The following KCNK1 variants were observed in gnomAD, a reference collection of about 807,000 sequenced individuals.
KCNK1 encodes the protein potassium channel subfamily K member 1.
KCNK1 carries 10 observed loss-of-function variants against 22.2 expected under a neutral mutation model. The observed-to-expected ratio is 0.45, with a 90% CI of 0.28 to 0.76. The LOEUF (loss-of-function observed/expected upper bound fraction) is 0.76, where lower values mean the gene tolerates loss of function less well. Among genes scored for constraint, KCNK1 ranks in the 30% least tolerant of loss-of-function variants. The pLI is 0.14. For synonymous variants in KCNK1, 200 were observed against 186.4 expected, an observed-to-expected ratio of 1.07 and a Z score of -0.60; for missense variants, 378 against 421.0, an observed-to-expected ratio of 0.90 and a Z score of 0.89.
At chr1:233,660,860 A>C (rs1658377374) in intron 1 of KCNK1, among the ~76,000 whole-genome samples, 1 of 152,258 alleles carries the variant, frequency 6.6e-6, no homozygotes, top group African/African-American at 2.4e-5. Context: ...ACTTGAGTTG[A>C]CTTTTGATGC....
At chr1:233,643,658 C>T (rs990854983) in intron 1 of KCNK1, among the ~76,000 whole-genome samples, 64 of 147,256 alleles carry the variant, frequency 4.3e-4, no homozygotes, top group African/African-American at 1.6e-3. Flanking sequence ...ACCAGGTTGG[C>T]AGGAGGAGCC....
intron 1 of KCNK1, among the ~76,000 whole-genome samples, chr1:233,624,730 A>G (rs1040290899): frequency 3.3e-5 from 5 of 152,238 alleles, no homozygotes; most frequent in Non-Finnish European, 7.3e-5. Context: ...AGCTATTCAT[A>G]TAAAAACAAT....
rs1001732858 is a variant in KCNK1, at chr1:233,672,482, G to A, written c.*952G>A. 3.3e-5 allele frequency: 5 copies of A among 150,344 alleles called. No homozygotes were observed. Among genetic ancestry groups the A allele is most frequent in the Non-Finnish European group, 7.4e-5 (5 of 67,660 alleles). The allele number at this position is 150,344 out of a possible 1,614,324, so 9.3% of individuals were successfully genotyped here. A position where few individuals can be genotyped will look rare whatever the true frequency, so the allele number is the denominator to read the frequency against. On this transcript the variant is annotated 3_prime_UTR_variant, in exon 3 of 3. Transcript: ENST00000366621. ...TAATCTGAGAATTTTAAATTTAGAAGCTAAAATAAATAAAAATCACAGCTG... is the reference window on the plus strand; with the variant it reads ...TAATCTGAGAATTTTAAATTTAGAAACTAAAATAAATAAAAATCACAGCTG...
chr1:233,635,140 A>T (rs1657876295), intron 1 of KCNK1, among the ~76,000 whole-genome samples: 1 of 152,188 alleles, frequency 6.6e-6, no homozygotes, highest in African/African-American at 2.4e-5. Flanking sequence ...CTACTTTAAG[A>T]TTGTGTTAAC....
At chr1:233,625,411 T>C (rs560297313) in intron 1 of KCNK1, among the ~76,000 whole-genome samples, 6 of 152,228 alleles carry the variant, frequency 3.9e-5, no homozygotes, top group African/African-American at 1.4e-4. Flanking sequence ...TATGGCTGGC[T>C]TTGGGGAAAT....
chr1:233,654,950 G>C (rs991560735), intron 1 of KCNK1, among the ~76,000 whole-genome samples: 2 of 152,188 alleles, frequency 1.3e-5, no homozygotes, highest in Non-Finnish European at 2.9e-5. Flanking sequence ...TCCACAGAGA[G>C]CCCTTACTAG....
intron 1 of KCNK1, among the ~76,000 whole-genome samples, chr1:233,647,548 C>T (rs548375593): frequency 1.2e-4 from 19 of 152,234 alleles, no homozygotes; most frequent in African/African-American, 4.1e-4. Context: ...ACCTGCTCAT[C>T]GTCTGTTCAG....
Position 233,614,284 on chromosome 1 carries a change from C to A in KCNK1, c.113C>A (p.Ala38Glu). The part of the protein sequence containing the change: ...LGYLLYLVFG[A>E]VVFSSVELPY... Reference sequence around the variant, plus strand: ...TACTTGCTCTACCTGGTCTTCGGCGCAGTGGTCTTCTCCTCGGTGGAGCTG... The same window carrying A: ...TACTTGCTCTACCTGGTCTTCGGCGAAGTGGTCTTCTCCTCGGTGGAGCTG... Residue 38 changes from alanine to glutamate, a missense_variant, in exon 1 of 3, where the codon GCA becomes GAA. By Grantham distance (107) the Ala-to-Glu change is moderately radical. Coordinates refer to ENST00000366621, the MANE Select transcript of KCNK1 (RefSeq NM_002245.4). 6.2e-7 allele frequency: 1 copy of A among 1,613,432 alleles called. No homozygotes were observed.
At chr1:233,620,363 T>A (rs1657560895) in intron 1 of KCNK1, among the ~76,000 whole-genome samples, 1 of 152,242 alleles carries the variant, frequency 6.6e-6, no homozygotes, top group African/African-American at 2.4e-5. Context: ...AAACTTTGTG[T>A]AAGAAAGTTC....
chr1:233,662,244 T>C (rs199553141), intron 1 of KCNK1, among the ~76,000 whole-genome samples: 1 of 58,340 alleles, frequency 1.7e-5, no homozygotes, highest in Non-Finnish European at 4.0e-5. Context: ...TTCTCCTTCT[T>C]CTTCTTCTTC....
At chr1:233,631,489 G>T (rs950137962) in intron 1 of KCNK1, 1 of 343,474 alleles carries the variant, frequency 2.9e-6, no homozygotes, top group African/African-American at 2.2e-5. Context: ...TGTGCAATAG[G>T]TGAGCTTGCC....
At chr1:233,644,731 A>G (rs979084448) in intron 1 of KCNK1, among the ~76,000 whole-genome samples, 1 of 152,144 alleles carries the variant, frequency 6.6e-6, no homozygotes, top group Non-Finnish European at 1.5e-5. Context: ...TGAAGAGTAG[A>G]CAGAAGGCCC....
chr1:233,618,960 C>A (rs903792008), intron 1 of KCNK1, among the ~76,000 whole-genome samples: 1 of 152,072 alleles, frequency 6.6e-6, no homozygotes. Flanking sequence ...ACTTTTAGTA[C>A]CTTTTGCTGC....
intron 1 of KCNK1, among the ~76,000 whole-genome samples, chr1:233,634,860 G>C (rs979413124): frequency 6.6e-6 from 1 of 152,172 alleles, no homozygotes; most frequent in African/African-American, 2.4e-5. Context: ...GTCCTGCTGA[G>C]GCATATGAGT....
At chr1:233,620,139 A>G (rs1178076941) in intron 1 of KCNK1, among the ~76,000 whole-genome samples, 1 of 152,202 alleles carries the variant, frequency 6.6e-6, no homozygotes, top group South Asian at 2.1e-4. Flanking sequence ...CCATAAACAC[A>G]GTTTTATTGG....
chr1:233,620,620 A>C (rs1657568104), intron 1 of KCNK1, among the ~76,000 whole-genome samples: 3 of 152,214 alleles, frequency 2.0e-5, no homozygotes, highest in Non-Finnish European at 4.4e-5. Context: ...AAAATTAAAC[A>C]AGCAAACTCT....
At chr1:233,668,154 T>C (rs947098703) in intron 2 of KCNK1, among the ~76,000 whole-genome samples, 2 of 152,256 alleles carry the variant, frequency 1.3e-5, no homozygotes, top group African/African-American at 4.8e-5. Flanking sequence ...GTTGCAGTTA[T>C]AATGTACCTA....
chr1:233,663,980 C>T (rs1006818318), intron 1 of KCNK1, among the ~76,000 whole-genome samples: 5 of 152,046 alleles, frequency 3.3e-5, no homozygotes, highest in South Asian at 2.1e-4. Flanking sequence ...TACAGGTGCC[C>T]GCTACCATGC....
intron 2 of KCNK1, among the ~76,000 whole-genome samples, chr1:233,667,725 G>T (rs1414699038): frequency 3.3e-5 from 2 of 60,912 alleles, no homozygotes; most frequent in Admixed American, 6.4e-4. Context: ...GCGAGACTCC[G>T]TCTCAAAAAA....
Sources: gnomAD v4.1 joint callset for allele counts (sites outside exome capture counted in the v4.1 genomes callset) on GRCh38, gnomAD v4.1.1 for gene constraint, MANE v1.5 for transcripts, NCBI Gene and HGNC (gene_info 2026-07-23, HGNC 2026-07-21) for gene names.